SPATA16: variants seen among roughly 807,000 people sequenced by gnomAD.
SPATA16 encodes the protein spermatogenesis-associated protein 16.
In SPATA16, 36 loss-of-function variants were observed where a neutral mutation model predicts 63.3. The observed-to-expected ratio is 0.57, with a 90% CI of 0.44 to 0.75. The LOEUF (loss-of-function observed/expected upper bound fraction) is 0.75, where lower values mean the gene tolerates loss of function less well. Ranked by LOEUF, SPATA16 falls within the 30% of genes least tolerant of loss-of-function variation. The pLI is 0.00. For missense variants in SPATA16, 646 were observed against 679.3 expected (o/e 0.95, Z 0.54); for synonymous variants, 203 against 216.7 (o/e 0.94, Z 0.56).
intron 2 of SPATA16, among the ~76,000 whole-genome samples, chr3:173,066,772 A>G (rs745663501): frequency 1.2e-3 from 180 of 152,274 alleles, no homozygotes; most frequent in Non-Finnish European, 2.2e-3. Context: ...ACAAACATCC[A>G]TAAGCAGCAA....
At chr3:173,096,308 A>T (rs13080220) in intron 2 of SPATA16, among the ~76,000 whole-genome samples, 19,729 of 152,104 alleles carry the variant, frequency 0.13, 1,346 homozygotes, top group African/African-American at 0.16. Context: ...TCTACAAAGA[A>T]TTACCAGAAT....
At position 173,066,429 on chromosome 3, in the gene SPATA16, C is replaced by T. The variant is rs557827495; in HGVS notation, c.613-17335G>A. On this transcript the variant is annotated intron_variant, in intron 2 of 10. Transcript: ENST00000351008. The stretch of plus-strand genomic sequence containing the variant: ...ATGATGGCCTCGGGAGTGCCTGTGT[C>T]AACCCTCCTCCAACTCCAGGCAGCC... Among the ~76,000 whole-genome samples, 6 of 152,318 alleles carry T rather than the reference C, an allele frequency of 3.9e-5. No individual in the cohort carries two copies. In the South Asian group the frequency reaches 1.0e-3, roughly 26 times the overall value.
At chr3:173,126,082 T>A (rs780560320) in intron 1 of SPATA16, among the ~76,000 whole-genome samples, 5,629 of 152,238 alleles carry the variant, frequency 0.037, 163 homozygotes, top group Non-Finnish European at 0.051. Context: ...TTACTCTATG[T>A]CAACAATATT....
chr3:173,011,619 A>G (rs987113839), intron 4 of SPATA16, among the ~76,000 whole-genome samples: 1 of 152,226 alleles, frequency 6.6e-6, no homozygotes, highest in African/African-American at 2.4e-5. Context: ...AACTTAGGCA[A>G]AAGAAAGAAA....
chr3:173,098,107 A>G (rs1008733227), intron 2 of SPATA16, among the ~76,000 whole-genome samples: 6 of 152,012 alleles, frequency 3.9e-5, no homozygotes, highest in African/African-American at 1.4e-4. Context: ...CATCTTGTTT[A>G]TGGAATAATT....
intron 4 of SPATA16, among the ~76,000 whole-genome samples, chr3:172,979,204 T>C (rs1331374017): frequency 6.6e-6 from 1 of 151,652 alleles, no homozygotes; most frequent in East Asian, 1.9e-4. Context: ...GCCACTGCAC[T>C]CCAGCCTGGG....
chr3:173,094,038 T>C (rs2108321169), intron 2 of SPATA16, among the ~76,000 whole-genome samples: 1 of 134,982 alleles, frequency 7.4e-6, no homozygotes, highest in Non-Finnish European at 1.6e-5. Context: ...ATTCAATTCC[T>C]TTTTCTTTTT....
intron 2 of SPATA16, among the ~76,000 whole-genome samples, chr3:173,078,996 A>G (rs1442560274): frequency 6.6e-6 from 1 of 152,240 alleles, no homozygotes; most frequent in Non-Finnish European, 1.5e-5. Flanking sequence ...GACTTGAAAA[A>G]GTTTGCAGTA....
chr3:172,898,172 G>A (rs972164151), intron 10 of SPATA16, among the ~76,000 whole-genome samples: 1 of 151,776 alleles, frequency 6.6e-6, no homozygotes, highest in African/African-American at 2.4e-5. Flanking sequence ...TAAGATTTTT[G>A]CCTCTATATT....
At chr3:172,945,846 C>T (rs925000966) in intron 6 of SPATA16, among the ~76,000 whole-genome samples, 25 of 152,092 alleles carry the variant, frequency 1.6e-4, no homozygotes, top group African/African-American at 4.8e-4. Flanking sequence ...TAAGTTCTGG[C>T]GCTATGCTGG....
intron 4 of SPATA16, 123 bp from the exon 5 acceptor site, chr3:172,977,175 C>A (rs1577115204): frequency 1.2e-6 from 1 of 839,208 alleles, no homozygotes; most frequent in African/African-American, 1.7e-5. Flanking sequence ...TTTGTCTAGA[C>A]TAATATTAAG....
chr3:172,899,813 T>G lies in SPATA16; in HGVS notation c.1588-10121A>C, dbSNP rs550174896. ...GAGTATTTGCTCTAGATATTACATG[T>G]GTGTGTACGTAAAATATGTGTGTGT... On this transcript the variant is annotated intron_variant, in intron 10 of 10. Coordinates refer to ENST00000351008, the MANE Select transcript of SPATA16 (RefSeq NM_031955.6). Among the ~76,000 whole-genome samples, 3 of 152,244 alleles carry G rather than the reference T, an allele frequency of 2.0e-5. No individual in the cohort carries two copies. The South Asian group carries it at 6.2e-4, about 32-fold the overall frequency.
intron 6 of SPATA16, among the ~76,000 whole-genome samples, chr3:172,955,372 A>G (rs1733544437): frequency 2.0e-5 from 3 of 152,216 alleles, no homozygotes; most frequent in Admixed American, 6.5e-5. Flanking sequence ...ATGTGCTGCT[A>G]GCATACACCC....
At chr3:173,119,172 G>A (rs1352379494) in intron 1 of SPATA16, among the ~76,000 whole-genome samples, 2 of 152,276 alleles carry the variant, frequency 1.3e-5, no homozygotes, top group East Asian at 3.9e-4. Context: ...GTGGGGAAAG[G>A]GGAGGGAGAG....
At chr3:173,096,022 T>A (rs1055616504) in intron 2 of SPATA16, among the ~76,000 whole-genome samples, 33 of 152,010 alleles carry the variant, frequency 2.2e-4, no homozygotes, top group Non-Finnish European at 4.9e-4. Context: ...GATTTTACAA[T>A]CTCCCTATAT....
intron 2 of SPATA16, among the ~76,000 whole-genome samples, chr3:173,064,578 A>G (rs1325777092): frequency 2.0e-5 from 3 of 152,174 alleles, no homozygotes; most frequent in Non-Finnish European, 2.9e-5. Context: ...AGGGTGGGCA[A>G]TCTTAGCTGT....
intron 10 of SPATA16, among the ~76,000 whole-genome samples, chr3:172,904,500 C>A (rs977471429): frequency 1.3e-5 from 2 of 152,180 alleles, no homozygotes; most frequent in Non-Finnish European, 2.9e-5. Context: ...AGAAATACTT[C>A]TGCTGCAGAG....
intron 6 of SPATA16, among the ~76,000 whole-genome samples, chr3:172,931,842 A>G (rs1732878722): frequency 6.6e-6 from 1 of 152,178 alleles, no homozygotes; most frequent in Non-Finnish European, 1.5e-5. Context: ...GTACTGTGTG[A>G]CTCAGTAGAG....
At chr3:172,988,459 C>T (rs374721505) in intron 4 of SPATA16, among the ~76,000 whole-genome samples, 9 of 152,148 alleles carry the variant, frequency 5.9e-5, no homozygotes, top group African/African-American at 1.7e-4. Context: ...TACCTCTAGG[C>T]GCCTCCTCAA....
Sources: allele counts gnomAD v4.1 joint callset (sites outside exome capture counted in the v4.1 genomes callset), GRCh38; gene constraint gnomAD v4.1.1; transcripts MANE v1.5; gene names NCBI Gene and HGNC (gene_info 2026-07-23, HGNC 2026-07-21).